The following DACH1 variants were observed in gnomAD, a reference collection of about 807,000 sequenced individuals.
DACH1 encodes dachshund family transcription factor 1.
A neutral mutation model predicts 54.2 loss-of-function variants in DACH1; 12 were observed. The observed-to-expected ratio is 0.22, with a 90% CI of 0.14 to 0.36. DACH1 has a LOEUF of 0.36. Ranked by LOEUF, DACH1 falls within the 10% of genes least tolerant of loss-of-function variation. The pLI, the probability that DACH1 is intolerant of heterozygous loss-of-function variation, is 1.00. For synonymous variants in DACH1, 386 were observed against 366.2 expected, an observed-to-expected ratio of 1.05 and a Z score of -0.62; for missense variants, 805 against 929.8, an observed-to-expected ratio of 0.87 and a Z score of 1.75.
intron 2 of DACH1, among the ~76,000 whole-genome samples, chr13:71,651,662 C>CTGTATA (rs1878682272): frequency 9.6e-6 from 1 of 103,782 alleles, no homozygotes; most frequent in African/African-American, 3.8e-5. Flanking sequence ...GTATATGTAT[C>CTGTATA]TGTATCTGTA....
intron 1 of DACH1, among the ~76,000 whole-genome samples, chr13:71,708,083 C>A (rs1882532568): frequency 7.2e-6 from 1 of 139,576 alleles, no homozygotes. Context: ...TAGCAAAAAA[C>A]AAACAAACTG....
At position 71,866,526 on chromosome 13, in the gene DACH1, T is replaced by TGCC. The variant is rs748058171; in HGVS notation, c.241_243dup (p.Gly81dup). The TGCC allele has an allele frequency of 1.7e-3, 2,066 of 1,229,430 alleles. 3 individuals are homozygous for TGCC. The highest frequency in any genetic ancestry group is 2.9e-3 in the East Asian group (82 of 28,484). 76.2% of individuals were successfully genotyped at this position (1,229,430 alleles called of 1,614,324 possible). A position where few individuals can be genotyped will look rare whatever the true frequency, so the allele number is the denominator to read the frequency against. Reference sequence around the variant, plus strand: ...CCGCTGCTGCCGCCGCCGCCTCCGCTGCCGCCGCCGCCGCCGCCGCCGCCG... The same window carrying TGCC: ...CCGCTGCTGCCGCCGCCGCCTCCGCTGCCGCCGCCGCCGCCGCCGCCGCCGCCG... On this transcript the variant is annotated inframe_insertion, in exon 1 of 11. Coordinates refer to ENST00000613252, the MANE Select transcript of DACH1 (RefSeq NM_080759.6).
chr13:71,541,545 C>A (rs1883127302), intron 6 of DACH1, among the ~76,000 whole-genome samples: 1 of 152,052 alleles, frequency 6.6e-6, no homozygotes, highest in Non-Finnish European at 1.5e-5. Flanking sequence ...TTACAAGAAG[C>A]ACACTGGACT....
intron 1 of DACH1, among the ~76,000 whole-genome samples, chr13:71,782,598 A>G (rs1440385452): frequency 2.6e-5 from 4 of 152,196 alleles, no homozygotes; most frequent in African/African-American, 4.8e-5. Flanking sequence ...TAAAGTGAAT[A>G]GTTTCTTTAC....
chr13:71,562,150 A>G (rs1884623556), intron 4 of DACH1, among the ~76,000 whole-genome samples: 1 of 152,164 alleles, frequency 6.6e-6, no homozygotes. Flanking sequence ...TGTAAAAGAC[A>G]ATAAACTCCC....
chr13:71,503,762 T>C (rs921307598), intron 6 of DACH1, among the ~76,000 whole-genome samples: 4 of 152,206 alleles, frequency 2.6e-5, no homozygotes, highest in African/African-American at 9.7e-5. Context: ...GTCAGGAATA[T>C]TACGGAAACT....
intron 3 of DACH1, among the ~76,000 whole-genome samples, chr13:71,596,373 G>A (rs1438265304): frequency 2.0e-5 from 3 of 152,046 alleles, no homozygotes; most frequent in Admixed American, 6.6e-5. Flanking sequence ...CCCTCAAAGC[G>A]CTAATAGCCT....
intron 10 of DACH1, among the ~76,000 whole-genome samples, chr13:71,452,882 C>CTAT (rs1209758885): frequency 6.6e-6 from 1 of 152,124 alleles, no homozygotes; most frequent in East Asian, 1.9e-4. Flanking sequence ...CTGTTTGACT[C>CTAT]TATTTGAAAT....
In DACH1 at chr13:71,622,041, G is replaced by A. The variant is rs4622402; in HGVS notation, c.1126+8515C>T. 5.1e-3 allele frequency among the ~76,000 whole-genome samples: 778 copies of A among 151,422 alleles called. 7 individuals are homozygous for A. Among genetic ancestry groups the A allele is most frequent in the South Asian group, 0.015 (74 of 4,818 alleles). On this transcript the variant is annotated intron_variant, in intron 3 of 10. Coordinates refer to ENST00000613252, the MANE Select transcript of DACH1 (RefSeq NM_080759.6). ...AGTGGGGATGGGGCATAAAGAGCAC[G>A]CAAAACTATGTGTGCTACATTATTT...
chr13:71,613,775 G>A (rs1875526286), intron 3 of DACH1, among the ~76,000 whole-genome samples: 1 of 152,110 alleles, frequency 6.6e-6, no homozygotes, highest in Non-Finnish European at 1.5e-5. Context: ...GCAGTGGTGT[G>A]ATCATGGCTC....
chr13:71,714,420 T>G (rs1433408535), intron 1 of DACH1, among the ~76,000 whole-genome samples: 1 of 152,060 alleles, frequency 6.6e-6, no homozygotes, highest in Non-Finnish European at 1.5e-5. Context: ...AATTACAAAA[T>G]AGTAAGAATC....
At chr13:71,703,951 G>A (rs1274829283) in intron 1 of DACH1, among the ~76,000 whole-genome samples, 1 of 152,058 alleles carries the variant, frequency 6.6e-6, no homozygotes, top group Admixed American at 6.6e-5. Context: ...ATGAATACAG[G>A]CCTAAAATGA....
At chr13:71,675,414 T>A in intron 2 of DACH1, 1 of 1,459,058 alleles carries the variant, frequency 6.9e-7, no homozygotes, top group Non-Finnish European at 9.4e-7. Flanking sequence ...ATGCCAAACG[T>A]GTAACAATTA....
At chr13:71,671,686 A>C (rs1594078089) in intron 2 of DACH1, among the ~76,000 whole-genome samples, 1 of 152,242 alleles carries the variant, frequency 6.6e-6, no homozygotes, top group East Asian at 1.9e-4. Context: ...GTTTTCAAAA[A>C]AATCGTATTG....
chr13:71,683,172 C>T (rs1017232526), intron 1 of DACH1, among the ~76,000 whole-genome samples: 46 of 152,072 alleles, frequency 3.0e-4, no homozygotes, highest in African/African-American at 2.4e-4. Flanking sequence ...TTTAGGAGAA[C>T]GGGTTCTTAG....
At chr13:71,849,335 G>A (rs1236543027) in intron 1 of DACH1, among the ~76,000 whole-genome samples, 1 of 152,108 alleles carries the variant, frequency 6.6e-6, no homozygotes, top group Non-Finnish European at 1.5e-5. Context: ...TCAACATTTG[G>A]CCACATGTAA....
Position 71,475,865 on chromosome 13 carries a change from T to C in DACH1, c.1871-16A>G, listed in dbSNP as rs188137497. 88 of 1,512,626 alleles carry C rather than the reference T, an allele frequency of 5.8e-5. No individual in the cohort carries two copies. Among genetic ancestry groups the C allele is most frequent in the Admixed American group, 9.4e-5 (4 of 42,536 alleles). 93.7% of individuals were successfully genotyped at this position (1,512,626 alleles called of 1,614,324 possible). On this transcript the variant is annotated splice_polypyrimidine_tract_variant and intron_variant, in intron 8 of 10. Coordinates refer to ENST00000613252, the MANE Select transcript of DACH1 (RefSeq NM_080759.6). ...TGAACTATGGCTAAAAAAGAGTGTATGCATATTATTATTATTATTTTTAAA... is the reference window on the plus strand; with the variant it reads ...TGAACTATGGCTAAAAAAGAGTGTACGCATATTATTATTATTATTTTTAAA...
In DACH1 at chr13:71,532,529, C is replaced by A. The variant is rs577492488; in HGVS notation, c.1570+24495G>T. ...GAAAATAAAAATGAATAAATATATA[C>A]CTTAATTATGTTAATTATGAAAAAT... On this transcript the variant is annotated intron_variant, in intron 6 of 10. Transcript: ENST00000613252. Among the ~76,000 whole-genome samples, 5 of 151,838 alleles carry A rather than the reference C, an allele frequency of 3.3e-5. No individual in the cohort carries two copies. In the East Asian group the frequency reaches 9.7e-4, roughly 29 times the overall value.
intron 2 of DACH1, among the ~76,000 whole-genome samples, chr13:71,660,602 C>A (rs1035776828): frequency 1.3e-5 from 2 of 151,924 alleles, no homozygotes; most frequent in Admixed American, 6.6e-5. Flanking sequence ...GCAGCAAACC[C>A]TAGTCTTAAT....
Sources: allele counts gnomAD v4.1 joint callset (sites outside exome capture counted in the v4.1 genomes callset), GRCh38; gene constraint gnomAD v4.1.1; transcripts MANE v1.5; gene names NCBI Gene and HGNC (gene_info 2026-07-23, HGNC 2026-07-21).